Variants in PPP2R2C observed in about 807,000 individuals in gnomAD.
PPP2R2C encodes protein phosphatase 2, regulatory subunit B, gamma.
A neutral mutation model predicts 45.3 loss-of-function variants in PPP2R2C; 10 were observed. The observed-to-expected ratio is 0.22, with a 90% confidence interval of 0.14 to 0.37. The LOEUF is 0.37. PPP2R2C is among the 10% of genes least tolerant of loss of function. PPP2R2C has a pLI of 1.00. For synonymous variants in PPP2R2C, 257 were observed against 245.4 expected (o/e 1.05, Z -0.44); for missense variants, 308 against 619.7 (o/e 0.50, Z 5.34).
At chr4:6,379,132 G>A (rs945982430) in intron 2 of PPP2R2C, among the ~76,000 whole-genome samples, 12 of 152,140 alleles carry the variant, frequency 7.9e-5, no homozygotes, top group African/African-American at 2.9e-4. Flanking sequence ...TTTGGGAGCA[G>A]ACTTTAACAT....
chr4:6,513,957 C>A (rs190734510), intron 2 of PPP2R2C, among the ~76,000 whole-genome samples: 232 of 152,296 alleles, frequency 1.5e-3, no homozygotes, highest in Non-Finnish European at 1.2e-3. Context: ...TAAATTAAAT[C>A]AACACTAATT....
chr4:6,492,381 G>A (rs946883109), intron 2 of PPP2R2C, among the ~76,000 whole-genome samples: 2 of 152,344 alleles, frequency 1.3e-5, no homozygotes, highest in African/African-American at 2.4e-5. Flanking sequence ...AGCCTGTCCA[G>A]GGTCGTGGTG....
chr4:6,511,564 G>A lies in PPP2R2C; in HGVS notation c.49+23707C>T, dbSNP rs865807538. Reference sequence around the variant, plus strand: ...GGTGGTGATGGTGGTGGTGGTGGTGGTGGTGGTGATGGCGGTGGTGGTGGT... The same window carrying A: ...GGTGGTGATGGTGGTGGTGGTGGTGATGGTGGTGATGGCGGTGGTGGTGGT... On this transcript the variant is annotated intron_variant, in intron 2 of 9. Coordinates refer to the PPP2R2C transcript ENST00000506140. Among the ~76,000 whole-genome samples, 93 of 41,922 alleles carry A rather than the reference G, an allele frequency of 2.2e-3. 7 individuals are homozygous for A. The highest frequency in any genetic ancestry group is 2.9e-3 in the Non-Finnish European group (52 of 17,802). The allele number at this position is 41,922 out of a possible 152,430, so 27.5% of individuals were successfully genotyped here. A position where few individuals can be genotyped will look rare whatever the true frequency, so the allele number is the denominator to read the frequency against.
At position 6,329,241 on chromosome 4, in the gene PPP2R2C, C is replaced by T. The variant is rs772759058; in HGVS notation, c.1052+21G>A. 2.0e-5 allele frequency: 32 copies of T among 1,606,310 alleles called. No individual in the cohort carries two copies. In the Middle Eastern group the frequency reaches 5.2e-4, roughly 26 times the overall value. ...ACCCTCCCTACGGTGAGGTGAGGTG[C>T]GGGCTGAGGTCAGGGCTTACCTGTC... On this transcript the variant is annotated intron_variant, in intron 8 of 8. Coordinates refer to ENST00000382599, the MANE Select transcript of PPP2R2C (RefSeq NM_020416.4). This position sits in a 1 kb window ranked among gnomAD's most constrained non-coding sequence, Gnocchi z 5.8.
chr4:6,539,875 G>C (rs565430258), intron 1 of PPP2R2C, among the ~76,000 whole-genome samples: 3 of 152,160 alleles, frequency 2.0e-5, no homozygotes, highest in Non-Finnish European at 4.4e-5. Context: ...GTGCAGCTGT[G>C]TGGGTAGAGG....
intron 1 of PPP2R2C, among the ~76,000 whole-genome samples, chr4:6,542,702 C>CA (rs10691194): frequency 1.4e-3 from 37 of 26,978 alleles, no homozygotes; most frequent in African/African-American, 3.3e-3. Context: ...GACTCTGTCT[C>CA]AAAAAAAAAA....
chr4:6,499,203 C>A (rs1283619142), intron 2 of PPP2R2C, among the ~76,000 whole-genome samples: 2 of 152,146 alleles, frequency 1.3e-5, no homozygotes, highest in Non-Finnish European at 2.9e-5. Context: ...TGTTGAGTGA[C>A]TAAACAAAAA....
chr4:6,381,631 T>A, intron 1 of PPP2R2C: 1 of 1,493,624 alleles, frequency 6.7e-7, no homozygotes, highest in Admixed American at 2.4e-5. Flanking sequence ...TGGCCCCACC[T>A]CCAGGCAGGC....
At chr4:6,475,718 C>T (rs149943460), upstream of PPP2R2C, among the ~76,000 whole-genome samples, 88 of 152,346 alleles carry the variant, frequency 5.8e-4, no homozygotes, top group East Asian at 0.014. Flanking sequence ...CTCCTTCTGA[C>T]GGCCCCACCA....
intron 2 of PPP2R2C, among the ~76,000 whole-genome samples, chr4:6,481,250 C>T (rs551918683): frequency 1.1e-4 from 16 of 152,308 alleles, no homozygotes; most frequent in East Asian, 5.8e-4. Flanking sequence ...CTTGTCTACC[C>T]GCTGAGTTAT....
At chr4:6,394,756 C>A (rs1716903887) in intron 1 of PPP2R2C, among the ~76,000 whole-genome samples, 1 of 152,246 alleles carries the variant, frequency 6.6e-6, no homozygotes, top group Non-Finnish European at 1.5e-5. Context: ...CAGGCCCTGT[C>A]CTCTCTGCTG....
At chr4:6,389,378 G>A (rs1716443863) in intron 1 of PPP2R2C, among the ~76,000 whole-genome samples, 1 of 152,246 alleles carries the variant, frequency 6.6e-6, no homozygotes, top group East Asian at 1.9e-4. Context: ...TCAGGGCAGA[G>A]AGGGGGCCTT....
chr4:6,425,142 T>C (rs1015587898), intron 1 of PPP2R2C, among the ~76,000 whole-genome samples: 1 of 152,136 alleles, frequency 6.6e-6, no homozygotes, highest in African/African-American at 2.4e-5. Context: ...TGCTGGAACA[T>C]GAGAGTCAGG....
At chr4:6,441,558 C>T (rs1343327861) in intron 1 of PPP2R2C, among the ~76,000 whole-genome samples, 1 of 152,208 alleles carries the variant, frequency 6.6e-6, no homozygotes, top group Non-Finnish European at 1.5e-5. Context: ...TCTTCCTGGA[C>T]AGCCCTTCCC....
chr4:6,334,908 G>A (rs906849442), intron 6 of PPP2R2C, among the ~76,000 whole-genome samples: 1 of 152,246 alleles, frequency 6.6e-6, no homozygotes, highest in Admixed American at 6.5e-5. Flanking sequence ...CTCGTGTCCT[G>A]CCTCCCAGGT....
At position 6,330,623 on chromosome 4, in the gene PPP2R2C, T is replaced by G. The variant is rs4547869; in HGVS notation, c.961-1270A>C. ...CCCCTGGGTCACCAGCCTGCCCGCC[T>G]GCTCTGCAGATTTAGAACATGCCAC... On this transcript the variant is annotated intron_variant, in intron 7 of 8. Coordinates refer to ENST00000382599, the MANE Select transcript of PPP2R2C (RefSeq NM_020416.4). This position sits in a 1 kb window ranked among gnomAD's most constrained non-coding sequence, Gnocchi z 7.0. Among the ~76,000 whole-genome samples the G allele has an allele frequency of 0.27, 40,525 of 151,996 alleles. 5,622 individuals carry two copies. The highest frequency in any genetic ancestry group is 0.29 in the Non-Finnish European group (19,808 of 67,950).
rs768804262 is a variant in PPP2R2C, at chr4:6,372,709, G to A, written c.448-9C>T. 31 of 1,612,720 alleles carry A rather than the reference G, an allele frequency of 1.9e-5. No individual in the cohort carries two copies. The highest frequency in any genetic ancestry group is 1.7e-4 in the Admixed American group (10 of 59,994). Reference sequence around the variant, plus strand: ...GGCTTCAGCACTGGCACCTGCAGAGGATGAGGAGGCAGGGAAGAGGTGAAG... The same window carrying A: ...GGCTTCAGCACTGGCACCTGCAGAGAATGAGGAGGCAGGGAAGAGGTGAAG... On this transcript the variant is annotated splice_polypyrimidine_tract_variant and intron_variant, in intron 4 of 8. Coordinates refer to ENST00000382599, the MANE Select transcript of PPP2R2C (RefSeq NM_020416.4).
chr4:6,361,817 A>AC (rs1410782643), intron 5 of PPP2R2C, among the ~76,000 whole-genome samples: 1 of 152,104 alleles, frequency 6.6e-6, no homozygotes, highest in African/African-American at 2.4e-5. Context: ...AGCAGACCAG[A>AC]CCCCGCCCTG....
intron 5 of PPP2R2C, among the ~76,000 whole-genome samples, chr4:6,360,065 T>A (rs1312907269): frequency 1.3e-5 from 2 of 152,164 alleles, no homozygotes; most frequent in African/African-American, 4.8e-5. Context: ...CTTTGAGACA[T>A]GGTAATAACC....
Sources: gnomAD v4.1 joint callset for allele counts (sites outside exome capture counted in the v4.1 genomes callset) on GRCh38, gnomAD v4.1.1 for gene constraint, Gnocchi (gnomAD v3.1) non-coding constraint, MANE v1.5 for transcripts, NCBI Gene and HGNC (gene_info 2026-07-23, HGNC 2026-07-21) for gene names.